The following IARS2 variants were observed in gnomAD, a reference collection of about 807,000 sequenced individuals.
The protein encoded by IARS2 is isoleucyl-tRNA synthetase 2, mitochondrial, also known as isoleucine--tRNA ligase, mitochondrial.
A neutral mutation model predicts 126.3 loss-of-function variants in IARS2; 56 were observed. The ratio of observed to expected loss-of-function variants is 0.44; its 90% CI spans 0.36 to 0.55. IARS2 has a LOEUF of 0.55. Ranked by LOEUF, IARS2 falls within the 20% of genes least tolerant of loss-of-function variation. The probability of loss-of-function intolerance (pLI) is 0.00; values close to 1 mark genes in which losing one functional copy is unlikely to be tolerated. For missense variants in IARS2, 1,127 were observed against 1,245.9 expected (o/e 0.90, Z 1.44); for synonymous variants, 407 against 441.1 (o/e 0.92, Z 0.97).
chr1:220,136,225 G>T (rs1349028930), intron 15 of IARS2, among the ~76,000 whole-genome samples: 1 of 152,098 alleles, frequency 6.6e-6, no homozygotes, highest in African/African-American at 2.4e-5. Flanking sequence ...TCCGCCTCTT[G>T]GGTTCAAGTG....
At chr1:220,106,498 A>G (rs1656684262) in intron 9 of IARS2, among the ~76,000 whole-genome samples, 1 of 152,164 alleles carries the variant, frequency 6.6e-6, no homozygotes, top group Admixed American at 6.5e-5. Context: ...AATAGAGACC[A>G]CTCAAAGATG....
chr1:220,140,270 T>C lies in IARS2; in HGVS notation c.2395T>C (p.Phe799Leu). 6.3e-7 allele frequency: 1 copy of C among 1,598,280 alleles called. No homozygotes were observed. The highest frequency in any genetic ancestry group is 8.6e-7 in the Non-Finnish European group (1 of 1,165,820). The change falls in exon 19 of 23, where the codon TTC (phenylalanine) becomes CTC (leucine). Residue 799 changes from phenylalanine to leucine, a missense_variant. By Grantham distance (22) the Phe-to-Leu change is conservative. Transcript: ENST00000366922. ...FYTRELSNFYFSIIKDRLYCE... is the reference protein window; with the variant it reads ...FYTRELSNFYLSIIKDRLYCE... The stretch of plus-strand genomic sequence containing the variant: ...TACCAGAGAGCTCTCTAACTTTTAT[T>C]TCAGTATAATCAAAGATAGGTATGT...
intron 14 of IARS2, among the ~76,000 whole-genome samples, chr1:220,129,812 A>T (rs1657223174): frequency 1.3e-5 from 2 of 152,226 alleles, no homozygotes; most frequent in Admixed American, 6.5e-5. Context: ...GTTGTAATAA[A>T]CATGGAGATG....
chr1:220,108,768 C>T (rs1400440888), intron 10 of IARS2, among the ~76,000 whole-genome samples: 4 of 151,712 alleles, frequency 2.6e-5, no homozygotes, highest in African/African-American at 7.3e-5. Context: ...ATCCACCTGC[C>T]TAGGCCTCCC....
chr1:220,112,454 C>T (rs1234206725), intron 11 of IARS2, among the ~76,000 whole-genome samples: 1 of 151,962 alleles, frequency 6.6e-6, no homozygotes, highest in African/African-American at 2.4e-5. Context: ...CTTTTTACCC[C>T]TTAACAATTG....
intron 10 of IARS2, among the ~76,000 whole-genome samples, chr1:220,110,572 G>T (rs1235771601): frequency 6.6e-6 from 1 of 152,086 alleles, no homozygotes; most frequent in Admixed American, 6.5e-5. Context: ...CACCATGTTG[G>T]TCAGGCTGGT....
At chr1:220,110,301 C>T (rs1656772646) in intron 10 of IARS2, among the ~76,000 whole-genome samples, 1 of 152,016 alleles carries the variant, frequency 6.6e-6, no homozygotes, top group Non-Finnish European at 1.5e-5. Flanking sequence ...CTCAAGTGAT[C>T]CTCTCGTCTC....
chr1:220,099,784 T>C (rs2102817303), intron 2 of IARS2, among the ~76,000 whole-genome samples: 1 of 152,296 alleles, frequency 6.6e-6, no homozygotes, highest in East Asian at 1.9e-4. Flanking sequence ...ATCTTAAGTA[T>C]GTATAGCTAG....
chr1:220,128,145 T>C (rs978916584), intron 14 of IARS2, among the ~76,000 whole-genome samples: 5 of 149,236 alleles, frequency 3.4e-5, no homozygotes, highest in Non-Finnish European at 1.5e-5. Flanking sequence ...TCTCAGGATT[T>C]GAAACCCACA....
At chr1:220,107,406 C>G (rs544988613) in intron 10 of IARS2, among the ~76,000 whole-genome samples, 53 of 152,274 alleles carry the variant, frequency 3.5e-4, no homozygotes, top group African/African-American at 1.2e-3. Context: ...AGCAGTATTA[C>G]TTTTGTGGAA....
chr1:220,102,836 C>T (rs1389765108), intron 7 of IARS2, 59 bp downstream of exon 7: 6 of 921,712 alleles, frequency 6.5e-6, no homozygotes, highest in Admixed American at 1.8e-5. Flanking sequence ...CCATTATTAA[C>T]ATTATTTTGA....
At chr1:220,094,533 GCGGGCAC>G in intron 1 of IARS2, 50 bp downstream of exon 1, 3 of 1,472,828 alleles carry the variant, frequency 2.0e-6, no homozygotes, top group Non-Finnish European at 2.7e-6. Flanking sequence ...CGATCCGGCC[GCGGGCAC>G]CGGGCGCTCG....
chr1:220,114,239 C>A (rs536981563), intron 11 of IARS2, 75 bp from the exon 12 acceptor site: 4 of 1,330,148 alleles, frequency 3.0e-6, no homozygotes, highest in Non-Finnish European at 3.2e-6. Context: ...GAAACAAATG[C>A]ATTTGGAAAA....
chr1:220,113,535 TAAATC>T (rs1399829923), intron 11 of IARS2, among the ~76,000 whole-genome samples: 1 of 151,650 alleles, frequency 6.6e-6, no homozygotes, highest in African/African-American at 2.4e-5. Flanking sequence ...GTTGACAAAT[TAAATC>T]AAATGGTAGC....
At chr1:220,135,855 G>A (rs1302428504) in intron 15 of IARS2, among the ~76,000 whole-genome samples, 3 of 116,090 alleles carry the variant, frequency 2.6e-5, no homozygotes, top group East Asian at 5.0e-4. Context: ...TAGTTTTTCC[G>A]CTATCACCAC....
rs111581991 is a variant in IARS2, at chr1:220,145,083, G to GAA, written c.2752-412_2752-411dup. On this transcript the variant is annotated intron_variant, in intron 21 of 22. Transcript: ENST00000366922. ...TTTAGCCCCTCACCCAATGATACAT[G>GAA]AAAAAAAAAAAAAAAGGCTTTGAGG... Among the ~76,000 whole-genome samples, 8 of 124,394 alleles carry GAA rather than the reference G, an allele frequency of 6.4e-5. No homozygotes were observed. In the Admixed American group the frequency reaches 6.7e-4, roughly 10 times the overall value. 81.6% of individuals were successfully genotyped at this position (124,394 alleles called of 152,430 possible). A position where few individuals can be genotyped will look rare whatever the true frequency, so the allele number is the denominator to read the frequency against.
At chr1:220,114,196 G>A in intron 11 of IARS2, 118 bp from the exon 12 acceptor site, 1 of 815,442 alleles carries the variant, frequency 1.2e-6, no homozygotes, top group East Asian at 2.6e-5. Flanking sequence ...GGGAGGGTAA[G>A]GGAGGTATGT....
At position 220,102,113 on chromosome 1, in the gene IARS2, T is replaced by A. The variant is rs373464940; in HGVS notation, c.551-16T>A. 3 of 1,589,678 alleles carry A rather than the reference T, an allele frequency of 1.9e-6. No homozygotes were observed. Among genetic ancestry groups the A allele is most frequent in the African/African-American group, 1.4e-5 (1 of 73,100 alleles). On this transcript the variant is annotated splice_polypyrimidine_tract_variant and intron_variant, in intron 3 of 22. Transcript: ENST00000366922. ...TTCATTGGTTTTTTAAAATCTTTTT[T>A]TCGTCTTTTTTTTAGCTAGATCATT... is the stretch of plus-strand genomic sequence containing the variant.
chr1:220,101,097 T>G (rs1320564669), intron 3 of IARS2, among the ~76,000 whole-genome samples: 2 of 152,204 alleles, frequency 1.3e-5, no homozygotes, highest in Non-Finnish European at 2.9e-5. Context: ...ATTGTACATT[T>G]GGATGTAACT....
Sources: gnomAD v4.1 joint callset for allele counts (sites outside exome capture counted in the v4.1 genomes callset) on GRCh38, gnomAD v4.1.1 for gene constraint, MANE v1.5 for transcripts, NCBI Gene and HGNC (gene_info 2026-07-23, HGNC 2026-07-21) for gene names.